Variants in CSMD2 observed in about 807,000 individuals in gnomAD.
The protein encoded by CSMD2 is CUB and sushi domain-containing protein 2.
CSMD2 carries 130 observed loss-of-function variants against 398.5 expected under a neutral mutation model. The observed-to-expected ratio is 0.33, with a 90% CI of 0.28 to 0.38. The LOEUF (loss-of-function observed/expected upper bound fraction) is 0.38. Ranked by LOEUF, CSMD2 falls within the 10% of genes least tolerant of loss-of-function variation. CSMD2 has a pLI of 1.00. For synonymous variants in CSMD2, 1,828 were observed against 1,908.5 expected, an observed-to-expected ratio of 0.96 and a Z score of 1.10; for missense variants, 3,829 against 4,764.9, an observed-to-expected ratio of 0.80 and a Z score of 5.78.
intron 25 of CSMD2, among the ~76,000 whole-genome samples, chr1:33,681,257 C>CT (rs1644901522): frequency 6.6e-6 from 1 of 151,934 alleles, no homozygotes. Flanking sequence ...TATTTTCTTG[C>CT]TTTTTTGGGT....
At chr1:33,614,443 A>T (rs1641250199) in intron 40 of CSMD2, 61 bp downstream of exon 40, 1 of 944,462 alleles carries the variant, frequency 1.1e-6, no homozygotes, top group East Asian at 2.5e-5. Context: ...GGCGGACAGT[A>T]GTTTTAAGCT....
intron 1 of CSMD2, among the ~76,000 whole-genome samples, chr1:34,152,741 C>T (rs1443324879): frequency 6.6e-6 from 1 of 152,154 alleles, no homozygotes; most frequent in Non-Finnish European, 1.5e-5. Flanking sequence ...CATAAGTGTG[C>T]AATCTGAACC....
intron 60 of CSMD2, among the ~76,000 whole-genome samples, chr1:33,538,521 A>G (rs994818140): frequency 2.6e-5 from 4 of 152,164 alleles, no homozygotes; most frequent in Admixed American, 6.5e-5. Flanking sequence ...GAGTCATGAG[A>G]TACATAACCA....
chr1:33,969,850 C>G (rs543400853), intron 3 of CSMD2, among the ~76,000 whole-genome samples: 2 of 151,766 alleles, frequency 1.3e-5, no homozygotes, highest in Admixed American at 6.6e-5. Flanking sequence ...TGGTGGCTCA[C>G]GCCTGTAATC....
At chr1:33,972,239 G>A (rs937651830) in intron 3 of CSMD2, among the ~76,000 whole-genome samples, 1 of 152,186 alleles carries the variant, frequency 6.6e-6, no homozygotes, top group African/African-American at 2.4e-5. Context: ...GCTAAGCCAG[G>A]TCCCTGTGAT....
At chr1:33,662,384 C>T (rs1002803154) in intron 26 of CSMD2, among the ~76,000 whole-genome samples, 5 of 151,088 alleles carry the variant, frequency 3.3e-5, no homozygotes, top group Non-Finnish European at 5.9e-5. Context: ...GGGTAGCCCT[C>T]CACTTCCAAA....
At chr1:33,766,108 T>A (rs1301087742) in intron 13 of CSMD2, among the ~76,000 whole-genome samples, 1 of 152,224 alleles carries the variant, frequency 6.6e-6, no homozygotes, top group Non-Finnish European at 1.5e-5. Flanking sequence ...CCCTTCTTCA[T>A]TCATATCCAT....
intron 1 of CSMD2, among the ~76,000 whole-genome samples, chr1:34,162,321 G>A (rs1054389362): frequency 1.3e-5 from 2 of 152,148 alleles, no homozygotes; most frequent in African/African-American, 4.8e-5. Flanking sequence ...AGGTATGGGT[G>A]GGTGAGGAGA....
chr1:33,975,829 C>CT (rs1477750153), intron 3 of CSMD2, among the ~76,000 whole-genome samples: 3 of 152,314 alleles, frequency 2.0e-5, no homozygotes, highest in Admixed American at 1.3e-4. Context: ...CTGAGCTCTG[C>CT]TTCCCTCTTG....
chr1:33,876,267 C>T (rs1297295527), intron 5 of CSMD2, among the ~76,000 whole-genome samples: 2 of 152,134 alleles, frequency 1.3e-5, no homozygotes, highest in African/African-American at 2.4e-5. Context: ...CCAGCCTGAC[C>T]ATGAGGGGAA....
chr1:33,955,966 A>G (rs12057658), intron 3 of CSMD2, among the ~76,000 whole-genome samples: 5,228 of 152,168 alleles, frequency 0.034, 160 homozygotes, highest in African/African-American at 0.08. Context: ...CACTGGTACC[A>G]TGAGGGAGCT....
At chr1:33,815,344 C>T (rs2124978684) in intron 9 of CSMD2, 1 of 152,240 alleles carries the variant, frequency 6.6e-6, no homozygotes, top group South Asian at 2.1e-4. Flanking sequence ...ACGTTTCTGA[C>T]CGAATTTCTT....
chr1:33,741,654 T>C (rs1248090891), intron 14 of CSMD2, among the ~76,000 whole-genome samples: 1 of 152,242 alleles, frequency 6.6e-6, no homozygotes, highest in Non-Finnish European at 1.5e-5. Flanking sequence ...TCTCCCATTT[T>C]TTGAGTATTT....
intron 56 of CSMD2, among the ~76,000 whole-genome samples, chr1:33,548,394 G>C (rs1026471697): frequency 1.3e-5 from 2 of 152,204 alleles, no homozygotes; most frequent in African/African-American, 4.8e-5. Flanking sequence ...CAAAGAGAAT[G>C]ACAGTGGAGA....
chr1:33,694,704 G>A (rs1364575524), intron 24 of CSMD2, among the ~76,000 whole-genome samples: 3 of 152,200 alleles, frequency 2.0e-5, no homozygotes, highest in Non-Finnish European at 4.4e-5. Flanking sequence ...GTCTCAGGTA[G>A]TATCTTTACA....
At chr1:33,988,449 G>T (rs1213154529) in intron 3 of CSMD2, among the ~76,000 whole-genome samples, 1 of 152,172 alleles carries the variant, frequency 6.6e-6, no homozygotes, top group Non-Finnish European at 1.5e-5. Flanking sequence ...CACCCTGCAG[G>T]TCTCTGCTCA....
chr1:33,807,099 A>G (rs568494837), intron 10 of CSMD2, among the ~76,000 whole-genome samples: 1 of 152,346 alleles, frequency 6.6e-6, no homozygotes, highest in Admixed American at 6.5e-5. Context: ...CAGTAAGAGC[A>G]GCCAGAAGGA....
At chr1:34,076,518 G>C (rs1464243579) in intron 2 of CSMD2, among the ~76,000 whole-genome samples, 3 of 152,142 alleles carry the variant, frequency 2.0e-5, no homozygotes, top group Non-Finnish European at 2.9e-5. Flanking sequence ...TTGCAGTTGG[G>C]ACAACCACAA....
At chr1:33,956,277 A>T (rs115901057) in intron 3 of CSMD2, among the ~76,000 whole-genome samples, 2,013 of 151,540 alleles carry the variant, frequency 0.013, 48 homozygotes, top group African/African-American at 0.045. Context: ...AACTGTTTTC[A>T]TCTTGCAAAA....
Sources: allele counts gnomAD v4.1 joint callset (sites outside exome capture counted in the v4.1 genomes callset), GRCh38; gene constraint gnomAD v4.1.1; transcripts MANE v1.5; gene names NCBI Gene and HGNC (gene_info 2026-07-23, HGNC 2026-07-21).